ARAP1: variants seen among roughly 807,000 people sequenced by gnomAD.
The protein encoded by ARAP1 is arf-GAP with Rho-GAP domain, ANK repeat and PH domain-containing protein 1.
Under a neutral mutation model 172.2 loss-of-function variants are expected in ARAP1, and 76 were observed. The observed-to-expected ratio is 0.44, with a 90% CI of 0.37 to 0.53. The LOEUF is 0.53. Ranked by LOEUF, ARAP1 falls within the 20% of genes least tolerant of loss-of-function variation. ARAP1 has a pLI of 0.00. For missense variants in ARAP1, 1,686 were observed against 1,977.5 expected, an observed-to-expected ratio of 0.85 and a Z score of 2.80; for synonymous variants, 804 against 803.3, an observed-to-expected ratio of 1.00 and a Z score of -0.01.
chr11:72,695,649 G>A lies in ARAP1; in HGVS notation c.3421-21C>T. The A allele has an allele frequency of 1.2e-6, 2 of 1,614,058 alleles. No homozygotes were observed. Among genetic ancestry groups the A allele is most frequent in the Non-Finnish European group, 1.7e-6 (2 of 1,179,998 alleles). ...TCCACCTGGGAAGGGGCGAGAGGCA[G>A]GGACAGGTGGTCACCGTCATCTGCA... On this transcript the variant is annotated intron_variant, in intron 24 of 34. Transcript: ENST00000393609. This position sits in a 1 kb window ranked among gnomAD's most constrained non-coding sequence, Gnocchi z 4.4.
intron 3 of ARAP1, chr11:72,721,907 C>G: frequency 1.0e-6 from 1 of 985,988 alleles, no homozygotes; most frequent in Non-Finnish European, 1.2e-6. Context: ...GCCAGGCGGG[C>G]TGCGTATGCC....
intron 3 of ARAP1, chr11:72,722,217 C>A (rs1242074654): frequency 1.0e-6 from 1 of 985,296 alleles, no homozygotes; most frequent in African/African-American, 1.8e-5. Flanking sequence ...GTGTGTGTGA[C>A]TCTGTGTGTC....
chr11:72,705,561 C>CTT, intron 13 of ARAP1: 1 of 495,110 alleles, frequency 2.0e-6, no homozygotes, highest in Non-Finnish European at 3.6e-6. Flanking sequence ...GCATTTTCTT[C>CTT]CTTTTTTTTT....
intron 1 of ARAP1, among the ~76,000 whole-genome samples, chr11:72,745,019 C>T (rs990751745): frequency 3.9e-5 from 6 of 152,110 alleles, no homozygotes; most frequent in African/African-American, 1.2e-4. Context: ...GCACGGGAGC[C>T]GCTACCCCAG....
intron 1 of ARAP1, among the ~76,000 whole-genome samples, chr11:72,735,139 C>A (rs984439150): frequency 6.6e-6 from 1 of 152,196 alleles, no homozygotes; most frequent in East Asian, 1.9e-4. Context: ...CACCACCACG[C>A]CCGGCTAATT....
intron 30 of ARAP1, chr11:72,688,834 C>T (rs1855804405): frequency 2.8e-6 from 1 of 357,394 alleles, no homozygotes; most frequent in African/African-American, 2.1e-5. Context: ...CCCAGCACCA[C>T]CCTGATGCCC....
In ARAP1 at chr11:72,699,086, C is replaced by A. The variant is rs754401121; in HGVS notation, c.2460G>T (p.Val820=). 1.9e-5 allele frequency: 30 copies of A among 1,614,070 alleles called. No individual in the cohort carries two copies. The highest frequency in any genetic ancestry group is 2.5e-5 in the Non-Finnish European group (30 of 1,180,048). The change falls in exon 18 of 35, where the codon GTG becomes GTT. Residue 820 remains valine, a synonymous_variant. Coordinates refer to ENST00000393609, the MANE Select transcript of ARAP1 (RefSeq NM_001040118.3). This position sits in a 1 kb window ranked among gnomAD's most constrained non-coding sequence, Gnocchi z 4.2. ...GGTACAGCCGTTCTCCCTCCGTGTA[C>A]ACCTCAAAGGTGTGCTCAAAGCTGC... ...DTHGFEHTFE[V]YTEGERLYLF...
At chr11:72,700,458 T>A (rs1223377179) in intron 16 of ARAP1, 3 of 152,260 alleles carry the variant, frequency 2.0e-5, no homozygotes, top group Non-Finnish European at 4.4e-5. Context: ...GGGCCTGACA[T>A]GTGCTCTTTG....
chr11:72,730,358 A>G (rs1857826605), intron 2 of ARAP1, among the ~76,000 whole-genome samples: 1 of 152,224 alleles, frequency 6.6e-6, no homozygotes, highest in African/African-American at 2.4e-5. Flanking sequence ...TGGAAAATAC[A>G]GGCATTGGTG....
Position 72,686,147 on chromosome 11 carries a change from C to A in ARAP1, c.4230G>T (p.Arg1410=). 7 of 1,613,952 alleles carry A rather than the reference C, an allele frequency of 4.3e-6. No individual in the cohort carries two copies. Among genetic ancestry groups the A allele is most frequent in the Non-Finnish European group, 5.9e-6 (7 of 1,180,028 alleles). The change falls in exon 34 of 35, where the codon CGG becomes CGT. Residue 1410 remains arginine, a synonymous_variant. Transcript: ENST00000393609. The part of the protein sequence containing the change: ...VWPSEPSRVS[R]AVPEVRLGSV... Reference sequence around the variant, plus strand: ...TACCCAGCCGGACCTCAGGCACTGCCCGGGACACGCGTGAGGGCTCTGAGG... The same window carrying A: ...TACCCAGCCGGACCTCAGGCACTGCACGGGACACGCGTGAGGGCTCTGAGG...
chr11:72,742,526 G>A (rs1858231969), intron 1 of ARAP1, among the ~76,000 whole-genome samples: 1 of 152,162 alleles, frequency 6.6e-6, no homozygotes, highest in Non-Finnish European at 1.5e-5. Context: ...GGGAGGAGAA[G>A]GGGAGGTTAA....
Position 72,725,867 on chromosome 11 carries a change from C to T in ARAP1, c.509+753G>A, listed in dbSNP as rs150099715. Among the ~76,000 whole-genome samples, 43 of 152,320 alleles carry T rather than the reference C, an allele frequency of 2.8e-4. No individual in the cohort carries two copies. The East Asian group carries it at 7.3e-3, about 26-fold the overall frequency. On this transcript the variant is annotated intron_variant, in intron 3 of 34. Transcript: ENST00000393609. This position sits in a 1 kb window ranked among gnomAD's most constrained non-coding sequence, Gnocchi z 4.3. The stretch of plus-strand genomic sequence containing the variant: ...AAGCCTTCCAAGATTAGCCTCACTT[C>T]GCCCAAGTGCTCCACCAAATCTCCC...
intron 2 of ARAP1, 45 bp from the exon 3 acceptor site, chr11:72,727,217 G>A: frequency 7.0e-7 from 1 of 1,432,568 alleles, no homozygotes; most frequent in Non-Finnish European, 9.2e-7. Flanking sequence ...GGCTGCCGAG[G>A]ATTGGTCCCC....
intron 14 of ARAP1, chr11:72,703,312 G>T: frequency 2.4e-6 from 1 of 424,738 alleles, no homozygotes; most frequent in Non-Finnish European, 4.1e-6. Context: ...GATCCCAGCT[G>T]CCCGGGGCCT....
chr11:72,703,896 CT>C (rs1856631201), intron 14 of ARAP1: 1 of 528,078 alleles, frequency 1.9e-6, no homozygotes, highest in African/African-American at 2.0e-5. Flanking sequence ...GTGCAGGAGA[CT>C]GAGGAATTGG....
intron 18 of ARAP1, 30 bp downstream of exon 18, chr11:72,698,975 C>G: frequency 6.2e-7 from 1 of 1,611,742 alleles, no homozygotes; most frequent in Non-Finnish European, 8.5e-7. Flanking sequence ...GTCAGACACC[C>G]TTACACCCAC....
At position 72,705,852 on chromosome 11, in the gene ARAP1, G is replaced by C. The variant is rs371423117; in HGVS notation, c.1762C>G (p.Arg588Gly). Residue 588 changes from arginine (R) to glycine (G), a missense_variant, in exon 13 of 35, where the codon CGG becomes GGG. By Grantham distance (125) the Arg-to-Gly change is moderately radical. Around this residue, in one of 5 missense-constraint regions of ARAP1, gnomAD observed 688 missense variants for 856.9 expected, o/e 0.80. Transcript: ENST00000393609. ...RGLGAGVSKV[R>G]SLKMDRKVWT... ...ACCTTCCTGTCCATCTTCAGGCTCC[G>C]CACCTTGGAGACGCCAGCGCCCAGG... 6.2e-7 allele frequency: 1 copy of C among 1,614,112 alleles called. No homozygotes were observed. The highest frequency in any genetic ancestry group is 1.7e-5 in the Admixed American group (1 of 60,018).
At chr11:72,748,254 G>C (rs923525625) in intron 1 of ARAP1, among the ~76,000 whole-genome samples, 1 of 152,176 alleles carries the variant, frequency 6.6e-6, no homozygotes, top group African/African-American at 2.4e-5. Context: ...GGGCCCAGTG[G>C]CTCACACCTG....
chr11:72,722,194 AGAGTGTGTGT>A (rs1857546379), intron 3 of ARAP1: 10 of 985,570 alleles, frequency 1.0e-5, no homozygotes, highest in Non-Finnish European at 1.2e-5. Flanking sequence ...AGAGAGAGAG[AGAGTGTGTGT>A]GAGTGTGTGT....
Sources: allele counts gnomAD v4.1 joint callset (sites outside exome capture counted in the v4.1 genomes callset), GRCh38; gene constraint gnomAD v4.1.1; regional missense constraint gnomAD v4.1.1; non-coding constraint Gnocchi (gnomAD v3.1); transcripts MANE v1.5; gene names NCBI Gene and HGNC (gene_info 2026-07-23, HGNC 2026-07-21).